The following ABAT variants were observed in gnomAD, a reference collection of about 807,000 sequenced individuals.
The protein encoded by ABAT is 4-aminobutyrate aminotransferase.
ABAT carries 45 observed loss-of-function variants against 64.6 expected under a neutral mutation model. The ratio of observed to expected loss-of-function variants is 0.70; its 90% CI spans 0.55 to 0.89. The LOEUF is 0.89. ABAT is among the 40% of genes least tolerant of loss of function. ABAT has a pLI of 0.00. For missense variants in ABAT, 633 were observed against 658.4 expected (o/e 0.96, Z 0.42); for synonymous variants, 297 against 250.5 (o/e 1.19, Z -1.75).
intron 5 of ABAT, 39 bp from the exon 6 acceptor site, chr16:8,757,718 G>A: frequency 6.2e-7 from 1 of 1,606,110 alleles, no homozygotes; most frequent in African/African-American, 1.3e-5. Flanking sequence ...GGAACCCTTG[G>A]ATGCAATGAG....
chr16:8,749,467 C>T lies in ABAT; in HGVS notation c.199-955C>T, dbSNP rs1219993825. ...AGGCTGGTGTGCAGTGGCACAATCTCGGCTCACTGCAACATCCGCCTCCTG... is the reference window on the plus strand; with the variant it reads ...AGGCTGGTGTGCAGTGGCACAATCTTGGCTCACTGCAACATCCGCCTCCTG... On this transcript the variant is annotated intron_variant, in intron 4 of 15. Transcript: ENST00000268251. 5.5e-5 allele frequency among the ~76,000 whole-genome samples: 7 copies of T among 126,704 alleles called. 1 individual carries two copies. In the South Asian group the frequency reaches 1.1e-3, roughly 19 times the overall value. 83.1% of individuals were successfully genotyped at this position (126,704 alleles called of 152,430 possible).
chr16:8,694,858 C>T (rs922468445), intron 1 of ABAT, among the ~76,000 whole-genome samples: 3 of 152,182 alleles, frequency 2.0e-5, no homozygotes, highest in African/African-American at 4.8e-5. Context: ...GAAGGAAGCA[C>T]GGGAGAAGGA....
At chr16:8,763,751 C>T (rs572371386) in intron 6 of ABAT, among the ~76,000 whole-genome samples, 226 of 152,160 alleles carry the variant, frequency 1.5e-3, no homozygotes, top group Non-Finnish European at 2.6e-3. Flanking sequence ...AAGAGACTCA[C>T]GGGAAGTTGC....
At chr16:8,708,908 T>C (rs1316297360) in intron 1 of ABAT, among the ~76,000 whole-genome samples, 1 of 152,132 alleles carries the variant, frequency 6.6e-6, no homozygotes, top group Non-Finnish European at 1.5e-5. Flanking sequence ...CCAGTATTGT[T>C]ATTTAAGGTT....
At chr16:8,761,754 C>G (rs1345837202) in intron 6 of ABAT, among the ~76,000 whole-genome samples, 1 of 152,150 alleles carries the variant, frequency 6.6e-6, no homozygotes, top group Non-Finnish European at 1.5e-5. Context: ...TGGAGATGCA[C>G]TCAGGTGGTG....
chr16:8,768,795 G>A (rs1300497405), intron 10 of ABAT, 30 bp from the exon 11 acceptor site: 1 of 1,613,852 alleles, frequency 6.2e-7, no homozygotes, highest in Non-Finnish European at 8.5e-7. Context: ...CCCAAGCCAA[G>A]CGTCTGCTTT....
intron 1 of ABAT, among the ~76,000 whole-genome samples, chr16:8,719,754 A>AAGGAGG (rs150890076): frequency 2.0e-5 from 3 of 152,082 alleles, no homozygotes; most frequent in Admixed American, 6.6e-5. Context: ...AAGAAGAAAG[A>AAGGAGG]AGGAGGAGGA....
At chr16:8,774,789 G>A (rs950036719) in intron 12 of ABAT, 101 bp from the exon 13 acceptor site, 2 of 1,432,036 alleles carry the variant, frequency 1.4e-6, no homozygotes, top group Non-Finnish European at 2.0e-6. Flanking sequence ...CAAGCACGAT[G>A]TGTGTGGACC....
intron 1 of ABAT, among the ~76,000 whole-genome samples, chr16:8,694,505 G>A (rs1207963703): frequency 6.6e-6 from 1 of 152,098 alleles, no homozygotes; most frequent in Non-Finnish European, 1.5e-5. Context: ...ATTCTCCCGA[G>A]CAGCTGGGAC....
chr16:8,770,692 C>T (rs1168161697), intron 11 of ABAT, among the ~76,000 whole-genome samples: 2 of 152,122 alleles, frequency 1.3e-5, no homozygotes, highest in East Asian at 1.9e-4. Context: ...CTGCCCACTT[C>T]GGCTTCCCAA....
At chr16:8,722,693 A>G in intron 1 of ABAT, 1 of 656,898 alleles carries the variant, frequency 1.5e-6, no homozygotes, top group Non-Finnish European at 2.3e-6. Flanking sequence ...CCTTGGTCAC[A>G]ATTTCATGGC....
intron 6 of ABAT, among the ~76,000 whole-genome samples, chr16:8,763,305 T>C (rs1464495395): frequency 6.6e-6 from 1 of 152,084 alleles, no homozygotes; most frequent in Non-Finnish European, 1.5e-5. Flanking sequence ...TGGTCCTCAG[T>C]TCCCCCAACT....
intron 2 of ABAT, among the ~76,000 whole-genome samples, chr16:8,744,207 T>C (rs1055124612): frequency 2.0e-5 from 3 of 152,138 alleles, no homozygotes; most frequent in African/African-American, 7.2e-5. Flanking sequence ...AGAGGTTTAA[T>C]TGGCTCATGG....
intron 4 of ABAT, among the ~76,000 whole-genome samples, chr16:8,749,485 G>A (rs1166054227): frequency 5.5e-5 from 7 of 126,652 alleles, no homozygotes; most frequent in Non-Finnish European, 7.9e-5. Context: ...TGCAACATCC[G>A]CCTCCTGGGT....
At position 8,709,458 on chromosome 16, in the gene ABAT, C is replaced by T. The variant is rs531927485; in HGVS notation, c.-41-26241C>T. Among the ~76,000 whole-genome samples the T allele has an allele frequency of 9.9e-5, 15 of 152,176 alleles. No homozygotes were observed. The South Asian group carries it at 1.0e-3, about 11-fold the overall frequency. On this transcript the variant is annotated intron_variant, in intron 1 of 15. Coordinates refer to ENST00000268251, the MANE Select transcript of ABAT (RefSeq NM_020686.6). Reference sequence around the variant, plus strand: ...GCACTATCTCAGCTCACTGCAACCTCCGCCTCCTGGGTTCAAGCGATTCTC... The same window carrying T: ...GCACTATCTCAGCTCACTGCAACCTTCGCCTCCTGGGTTCAAGCGATTCTC...
chr16:8,745,997 G>A lies in ABAT; in HGVS notation c.71-4G>A, dbSNP rs780843284. ...GGATTTCTCATTGTCTTTGTTTACT[G>A]CAGGATCCAGACACATTAGTCAAGC... On this transcript the variant is annotated splice_polypyrimidine_tract_variant and splice_region_variant and intron_variant, in intron 2 of 15. Transcript: ENST00000268251. 42 of 1,613,438 alleles carry A rather than the reference G, an allele frequency of 2.6e-5. No homozygotes were observed. Among genetic ancestry groups the A allele is most frequent in the Non-Finnish European group, 3.3e-5 (39 of 1,179,588 alleles).
At chr16:8,745,421 G>C (rs749053072) in intron 2 of ABAT, among the ~76,000 whole-genome samples, 1 of 151,938 alleles carries the variant, frequency 6.6e-6, no homozygotes. Flanking sequence ...ATCAGATCAG[G>C]CATGGTGGCT....
intron 1 of ABAT, among the ~76,000 whole-genome samples, chr16:8,722,427 G>A (rs1175540558): frequency 1.3e-5 from 2 of 152,176 alleles, no homozygotes; most frequent in Non-Finnish European, 2.9e-5. Context: ...TTACAGGCAT[G>A]AGCCACCACA....
chr16:8,750,450 A>T lies in ABAT; in HGVS notation c.227A>T (p.Asn76Ile), dbSNP rs910065058. ...GCAGAGGCTGTGCATTTTTTCTGCA[A>T]TTACGAAGAGAGCCGAGGCAATTAC... is the stretch of plus-strand genomic sequence containing the variant. ...QNAEAVHFFC[N>I]YEESRGNYLV... Residue 76 changes from asparagine to isoleucine, a missense_variant, in exon 5 of 16, where the codon AAT (asparagine) becomes ATT (isoleucine). Asn to Ile is a moderately radical substitution (Grantham distance 149). Coordinates refer to ENST00000268251, the MANE Select transcript of ABAT (RefSeq NM_020686.6). 3.7e-6 allele frequency: 6 copies of T among 1,614,052 alleles called. No homozygotes were observed. The highest frequency in any genetic ancestry group is 2.2e-5 in the South Asian group (2 of 91,092).
Sources: gnomAD v4.1 joint callset for allele counts (sites outside exome capture counted in the v4.1 genomes callset) on GRCh38, gnomAD v4.1.1 for gene constraint, MANE v1.5 for transcripts, NCBI Gene and HGNC (gene_info 2026-07-23, HGNC 2026-07-21) for gene names.